Variants in DPH7 observed in about 807,000 individuals in gnomAD.
DPH7 encodes diphthine methyltransferase.
DPH7 carries 44 observed loss-of-function variants against 41.7 expected under a neutral mutation model. That is an observed-to-expected ratio of 1.05 (90% CI 0.83 to 1.36). DPH7 has a LOEUF of 1.36. DPH7 is among the 40% of genes most tolerant of loss of function. DPH7 has a pLI of 0.00. For missense variants in DPH7, 629 were observed against 577.5 expected (o/e 1.09, Z -0.91); for synonymous variants, 275 against 238.0 (o/e 1.16, Z -1.43).
chr9:137,575,068 CT>C, intron 3 of DPH7: 1 of 1,330,878 alleles, frequency 7.5e-7, no homozygotes, highest in Non-Finnish European at 9.6e-7. Context: ...TGCAGGACAA[CT>C]TTCCCACAGG....
At chr9:137,572,899 T>C (rs985750499) in intron 5 of DPH7, among the ~76,000 whole-genome samples, 3 of 152,174 alleles carry the variant, frequency 2.0e-5, no homozygotes, top group African/African-American at 7.2e-5. Context: ...TCCACAGGTA[T>C]CAGGCAAAAA....
At position 137,555,604 on chromosome 9, in the gene DPH7, C is replaced by T. The variant is rs371780538; in HGVS notation, c.994G>A (p.Asp332Asn). Reference sequence around the variant, plus strand: ...CAGTCGGCTCCATACACCAGCGAGTCGGGCAATGTGTGAGATGTCAGGACC... The same window carrying T: ...CAGTCGGCTCCATACACCAGCGAGTTGGGCAATGTGTGAGATGTCAGGACC... Reference protein sequence around the residue: ...ATVLTSHTLPDSLVYGADWSW... With the variant: ...ATVLTSHTLPNSLVYGADWSW... The change falls in exon 9 of 9, where the codon GAC (aspartate) becomes AAC (asparagine). Residue 332 changes from aspartate (D) to asparagine (N), a missense_variant. Asp to Asn is a conservative substitution (Grantham distance 23). Transcript: ENST00000277540. 5.6e-6 allele frequency: 9 copies of T among 1,611,952 alleles called. No homozygotes were observed. The highest frequency in any genetic ancestry group is 4.4e-5 in the South Asian group (4 of 90,980).
chr9:137,578,922 G>T lies in DPH7; in HGVS notation c.-145C>A. 2.2e-6 allele frequency: 2 copies of T among 893,302 alleles called. No homozygotes were observed. Among genetic ancestry groups the T allele is most frequent in the Non-Finnish European group, 1.5e-6 (1 of 671,836 alleles). The allele number at this position is 893,302 out of a possible 1,614,324, so 55.3% of individuals were successfully genotyped here. On this transcript the variant is annotated 5_prime_UTR_variant, in exon 1 of 9. Transcript: ENST00000277540. ...CGTCAGCGCGGGCCGCCTCTCTCGC[G>T]ACTCCTTCCGGGGTGCCGGGGCGGG... is the stretch of plus-strand genomic sequence containing the variant.
Position 137,556,355 on chromosome 9 carries a change from A to T in DPH7, c.950-707T>A, listed in dbSNP as rs1485302933. On this transcript the variant is annotated intron_variant, in intron 8 of 8. Transcript: ENST00000277540. The surrounding 1 kb of genome is among the most constrained non-coding windows in gnomAD (Gnocchi z 5.2). ...AGGGCTGGCAGGGGCAGTTGCAGAG[A>T]GCAAGTGGAAGGTGAGCCAGGGGCT... Among the ~76,000 whole-genome samples, 1 of 152,110 alleles carries T rather than the reference A, an allele frequency of 6.6e-6. No homozygotes were observed. The highest frequency in any genetic ancestry group is 2.4e-5 in the African/African-American group (1 of 41,424).
At position 137,565,148 on chromosome 9, in the gene DPH7, TCGCCCC is replaced by T; in HGVS notation, c.641_646del (p.Gly214_Gly215del). ...GTCCCAGCCCCTCAGAAGGCCATCG[TCGCCCC>T]CTGTGTGGAGAAAGAGAAGCATCAA... is the stretch of plus-strand genomic sequence containing the variant. On this transcript the variant is annotated inframe_deletion and splice_region_variant, in exon 6 of 9. Coordinates refer to ENST00000277540, the MANE Select transcript of DPH7 (RefSeq NM_138778.5). The T allele has an allele frequency of 6.2e-7, 1 of 1,614,014 alleles. No individual in the cohort carries two copies. Among genetic ancestry groups the T allele is most frequent in the Non-Finnish European group, 8.5e-7 (1 of 1,180,026 alleles).
chr9:137,578,134 G>C (rs573018374), intron 1 of DPH7: 3 of 203,856 alleles, frequency 1.5e-5, no homozygotes, highest in African/African-American at 4.7e-5. Context: ...ACTCCAGCCT[G>C]GGTGACAGTG....
intron 1 of DPH7, 97 bp downstream of exon 1, chr9:137,578,528 A>C (rs1268270854): frequency 1.5e-5 from 20 of 1,301,334 alleles, no homozygotes; most frequent in Non-Finnish European, 2.0e-5. Flanking sequence ...CAAAGGGCCA[A>C]TATCCCCTCT....
intron 1 of DPH7, chr9:137,578,126 TCCAGCCTGG>T: frequency 3.9e-6 from 1 of 253,768 alleles, no homozygotes; most frequent in Non-Finnish European, 6.2e-6. Context: ...GAGGCTGCAC[TCCAGCCTGG>T]GTGACAGTGC....
Position 137,555,861 on chromosome 9 carries a change from G to A in DPH7, c.950-213C>T, listed in dbSNP as rs571072029. ...CATCTTGCAGTGCACACGCCTGTGT[G>A]CCTCCAAGAGAAGCATCAAGCGGGG... On this transcript the variant is annotated intron_variant, in intron 8 of 8. Transcript: ENST00000277540. 1.4e-4 allele frequency among the ~76,000 whole-genome samples: 21 copies of A among 152,350 alleles called. No individual in the cohort carries two copies. In the East Asian group the frequency reaches 3.3e-3, roughly 24 times the overall value.
intron 8 of DPH7, 78 bp from the exon 9 acceptor site, chr9:137,555,726 AG>A: frequency 6.9e-7 from 1 of 1,456,864 alleles, no homozygotes; most frequent in Non-Finnish European, 9.2e-7. Flanking sequence ...CCTGACAGGG[AG>A]ACTCCAAGAA....
rs199616814 is a variant in DPH7, at chr9:137,564,212, T to C, written c.949+222A>G. Among the ~76,000 whole-genome samples the C allele has an allele frequency of 2.6e-5, 4 of 152,150 alleles. No homozygotes were observed. In the East Asian group the frequency reaches 5.8e-4, roughly 22 times the overall value. On this transcript the variant is annotated intron_variant, in intron 8 of 8. Transcript: ENST00000277540. ...GCAGGAGGCACCGGAATGACGGAGC[T>C]GGGAAACCAGGGAAAACTGTGGTTA...
rs747961442 is a variant in DPH7 at position 137,574,259 on chromosome 9, C to T, written c.589G>A (p.Glu197Lys). Residue 197 changes from glutamate (E) to lysine (K), a missense_variant, in exon 5 of 9, where the codon GAG becomes AAG. Physicochemically the swap from Glu to Lys is moderately conservative, Grantham distance 56 (BLOSUM62 1). Coordinates refer to ENST00000277540, the MANE Select transcript of DPH7 (RefSeq NM_138778.5). ...KVASWQAHQFEAWIAAFNYWH... is the reference protein window; with the variant it reads ...KVASWQAHQFKAWIAAFNYWH... ...TAATTGAAAGCAGCAATCCAGGCCT[C>T]GAATTGATGTGCCTGCCATGAGGCC... 1.9e-5 allele frequency: 30 copies of T among 1,614,158 alleles called. No individual in the cohort carries two copies. Among genetic ancestry groups the T allele is most frequent in the South Asian group, 1.3e-4 (12 of 91,090 alleles).
intron 3 of DPH7, chr9:137,575,597 C>T (rs1841241199): frequency 9.9e-7 from 1 of 1,006,990 alleles, no homozygotes; most frequent in Non-Finnish European, 1.2e-6. Flanking sequence ...TACATCACCC[C>T]ACTACGGGAC....
At position 137,555,077 on chromosome 9, in the gene DPH7, G is replaced by C. The variant is rs1382307533; in HGVS notation, c.*162C>G. On this transcript the variant is annotated 3_prime_UTR_variant, in exon 9 of 9. Coordinates refer to ENST00000277540, the MANE Select transcript of DPH7 (RefSeq NM_138778.5). ...CTTTCAGGGGCCCAGCAGGGAAGCTGATTTAAGAGAAGTCAACAGCTTTTC... is the reference window on the plus strand; with the variant it reads ...CTTTCAGGGGCCCAGCAGGGAAGCTCATTTAAGAGAAGTCAACAGCTTTTC... 2 of 873,062 alleles carry C rather than the reference G, an allele frequency of 2.3e-6. No homozygotes were observed. Among genetic ancestry groups the C allele is most frequent in the East Asian group, 6.0e-5 (2 of 33,136 alleles). The allele number at this position is 873,062 out of a possible 1,614,324, so 54.1% of individuals were successfully genotyped here.
Position 137,576,794 on chromosome 9 carries a change from G to A in DPH7, c.288-627C>T, listed in dbSNP as rs147306989. Among the ~76,000 whole-genome samples the A allele has an allele frequency of 1.8e-3, 280 of 152,200 alleles. 1 individual carries two copies. Among genetic ancestry groups the A allele is most frequent in the African/African-American group, 6.4e-3 (264 of 41,520 alleles). On this transcript the variant is annotated intron_variant, in intron 2 of 8. Transcript: ENST00000277540. ...AGACCGAGCTCTTAGGGAGGCTGACGCAGGAGAATGGCGTGAACTCAGGAG... is the reference window on the plus strand; with the variant it reads ...AGACCGAGCTCTTAGGGAGGCTGACACAGGAGAATGGCGTGAACTCAGGAG...
rs375656094 is a variant in DPH7, at chr9:137,577,618, G to A, written c.154-15C>T. The stretch of plus-strand genomic sequence containing the variant: ...TCCATTCCACCCTACAAAAAATGCA[G>A]AGGTAGTCTCTGATTATCCCAAGAC... On this transcript the variant is annotated splice_polypyrimidine_tract_variant and intron_variant, in intron 1 of 8. Coordinates refer to ENST00000277540, the MANE Select transcript of DPH7 (RefSeq NM_138778.5). 38 of 1,611,818 alleles carry A rather than the reference G, an allele frequency of 2.4e-5. No individual in the cohort carries two copies. In the Middle Eastern group the frequency reaches 4.6e-3, roughly 196 times the overall value.
rs2133265550 is a variant in DPH7 at position 137,578,800 on chromosome 9, G to A, written c.-23C>T. On this transcript the variant is annotated 5_prime_UTR_variant, in exon 1 of 9. Coordinates refer to ENST00000277540, the MANE Select transcript of DPH7 (RefSeq NM_138778.5). ...CATCCAGCCCTCGGGGAAGGGCGCG[G>A]AGCCGGCAGTAGAGGCGGGTCGGCG... is the stretch of plus-strand genomic sequence containing the variant. The A allele has an allele frequency of 1.4e-6, 2 of 1,438,446 alleles. No individual in the cohort carries two copies. Among genetic ancestry groups the A allele is most frequent in the African/African-American group, 3.0e-5 (2 of 67,512 alleles). The allele number at this position is 1,438,446 out of a possible 1,614,324, so 89.1% of individuals were successfully genotyped here.
Position 137,578,634 on chromosome 9 carries a change from G to C in DPH7, c.144C>G (p.Pro48=), listed in dbSNP as rs966875733. The C allele has an allele frequency of 1.9e-5, 28 of 1,510,726 alleles. No homozygotes were observed. The highest frequency in any genetic ancestry group is 2.5e-5 in the Non-Finnish European group (28 of 1,135,074). 93.6% of individuals were successfully genotyped at this position (1,510,726 alleles called of 1,614,324 possible). ...GCCGCGGCGCGCGCACCTTGTTCTG[G>C]GGGCCGGCAGGCCGGTCCTCCGGCC... The part of the protein sequence containing the change: ...LRRPEDRPAG[P]QNKGGMEVKE... Residue 48 remains proline (P), a synonymous_variant, in exon 1 of 9, where the codon CCC becomes CCG. Transcript: ENST00000277540.
chr9:137,560,536 C>T (rs187679484), intron 8 of DPH7, among the ~76,000 whole-genome samples: 4 of 151,774 alleles, frequency 2.6e-5, no homozygotes, highest in East Asian at 1.9e-4. Context: ...CTGGCTAACA[C>T]GGCGAAACCC....
Sources: gnomAD v4.1 joint callset for allele counts (sites outside exome capture counted in the v4.1 genomes callset) on GRCh38, gnomAD v4.1.1 for gene constraint, Gnocchi (gnomAD v3.1) non-coding constraint, MANE v1.5 for transcripts, NCBI Gene and HGNC (gene_info 2026-07-23, HGNC 2026-07-21) for gene names.